The following FGF12 variants were observed in gnomAD, a reference collection of about 807,000 sequenced individuals.
FGF12 encodes the protein fibroblast growth factor 12.
A neutral mutation model predicts 23.6 loss-of-function variants in FGF12; 14 were observed. The ratio of observed to expected loss-of-function variants is 0.59; its 90% CI spans 0.39 to 0.93. The LOEUF is 0.93. Among genes scored for constraint, FGF12 ranks in the 40% least tolerant of loss-of-function variants. The pLI is 0.00. For missense variants in FGF12, 175 were observed against 217.8 expected (o/e 0.80, Z 1.24); for synonymous variants, 62 against 77.3 (o/e 0.80, Z 1.04).
At chr3:192,214,864 A>G (rs1011401830) in intron 4 of FGF12, among the ~76,000 whole-genome samples, 1 of 152,244 alleles carries the variant, frequency 6.6e-6, no homozygotes, top group African/African-American at 2.4e-5. Context: ...ACTTAAATGT[A>G]GTTACATGAA....
intron 2 of FGF12, among the ~76,000 whole-genome samples, chr3:192,690,481 A>T (rs1717905944): frequency 6.6e-6 from 1 of 151,854 alleles, no homozygotes; most frequent in Non-Finnish European, 1.5e-5. Flanking sequence ...AAGTAGACAT[A>T]CAGGTATAAC....
At chr3:192,553,670 C>A (rs966654297) in intron 2 of FGF12, among the ~76,000 whole-genome samples, 1 of 152,154 alleles carries the variant, frequency 6.6e-6, no homozygotes, top group African/African-American at 2.4e-5. Context: ...TAAGAAAATT[C>A]GTGTCACTCA....
intron 2 of FGF12, among the ~76,000 whole-genome samples, chr3:192,445,598 T>A (rs1431371140): frequency 6.6e-6 from 1 of 152,090 alleles, no homozygotes; most frequent in Non-Finnish European, 1.5e-5. Context: ...TTTTAGCTCA[T>A]CAGAGATCCA....
intron 2 of FGF12, among the ~76,000 whole-genome samples, chr3:192,642,780 C>T (rs532373556): frequency 4.6e-5 from 7 of 152,248 alleles, no homozygotes; most frequent in East Asian, 1.9e-4. Context: ...CCATGAAATC[C>T]GTTTTGATGG....
chr3:192,396,168 G>A (rs150640823), intron 2 of FGF12, among the ~76,000 whole-genome samples: 58 of 152,248 alleles, frequency 3.8e-4, no homozygotes, highest in Non-Finnish European at 7.4e-4. Context: ...GACATTAAAG[G>A]AGAAACAGTC....
intron 2 of FGF12, among the ~76,000 whole-genome samples, chr3:192,649,933 A>G (rs892216925): frequency 6.6e-6 from 1 of 152,192 alleles, no homozygotes; most frequent in Non-Finnish European, 1.5e-5. Flanking sequence ...ATTCTGTGGT[A>G]TATTTTGCTC....
chr3:192,484,775 T>C (rs1436432184), intron 2 of FGF12, among the ~76,000 whole-genome samples: 3 of 152,216 alleles, frequency 2.0e-5, no homozygotes, highest in Non-Finnish European at 2.9e-5. Flanking sequence ...ATGTAATTTC[T>C]TGAAACACAA....
At chr3:192,679,450 T>C (rs141208589) in intron 2 of FGF12, among the ~76,000 whole-genome samples, 1 of 151,904 alleles carries the variant, frequency 6.6e-6, no homozygotes, top group Non-Finnish European at 1.5e-5. Flanking sequence ...ATACAAAAAT[T>C]AGTCAGGTGT....
chr3:192,607,101 G>T (rs1218337020), intron 2 of FGF12, among the ~76,000 whole-genome samples: 1 of 152,050 alleles, frequency 6.6e-6, no homozygotes, highest in African/African-American at 2.4e-5. Flanking sequence ...TGTAACTTTT[G>T]AAATGTTTTC....
At chr3:192,205,739 G>C (rs1000220946) in intron 4 of FGF12, among the ~76,000 whole-genome samples, 1 of 152,152 alleles carries the variant, frequency 6.6e-6, no homozygotes, top group African/African-American at 2.4e-5. Context: ...TTGGAAATCA[G>C]GCTCCCTGCT....
At chr3:192,442,091 C>A (rs537156701) in intron 2 of FGF12, among the ~76,000 whole-genome samples, 9 of 152,184 alleles carry the variant, frequency 5.9e-5, no homozygotes, top group Non-Finnish European at 1.3e-4. Flanking sequence ...CACAGGACGA[C>A]CAACTAGAGA....
intron 2 of FGF12, among the ~76,000 whole-genome samples, chr3:192,626,206 A>G (rs774856561): frequency 6.6e-6 from 1 of 152,208 alleles, no homozygotes; most frequent in Admixed American, 6.5e-5. Flanking sequence ...TCACCAATGT[A>G]TCATCTCAAT....
chr3:192,447,260 A>G (rs376248862), intron 2 of FGF12, among the ~76,000 whole-genome samples: 29 of 152,224 alleles, frequency 1.9e-4, no homozygotes, highest in Admixed American at 1.9e-3. Context: ...TGCTCAAGGC[A>G]CAGGGAATAT....
At chr3:192,287,368 A>G (rs538474206) in intron 4 of FGF12, among the ~76,000 whole-genome samples, 2 of 152,186 alleles carry the variant, frequency 1.3e-5, no homozygotes, top group East Asian at 3.9e-4. Flanking sequence ...CTTTCTTTGT[A>G]TCTTAATGAT....
chr3:192,600,898 A>C (rs929496400), intron 2 of FGF12, among the ~76,000 whole-genome samples: 2 of 152,132 alleles, frequency 1.3e-5, no homozygotes, highest in African/African-American at 4.8e-5. Context: ...GAGGTTCCTC[A>C]AAAAACTACA....
intron 4 of FGF12, among the ~76,000 whole-genome samples, chr3:192,286,566 C>T (rs181861802): frequency 2.2e-4 from 33 of 151,852 alleles, no homozygotes; most frequent in Middle Eastern, 3.4e-3. Flanking sequence ...AGGTTTTCAA[C>T]AAGGAAATGT....
intron 3 of FGF12, among the ~76,000 whole-genome samples, chr3:192,358,508 T>TA (rs1718577780): frequency 6.6e-6 from 1 of 152,078 alleles, no homozygotes; most frequent in Non-Finnish European, 1.5e-5. Context: ...TTGTGTGTGG[T>TA]ATGCAGAATG....
intron 2 of FGF12, among the ~76,000 whole-genome samples, chr3:192,674,793 T>C (rs1009984513): frequency 1.3e-5 from 2 of 152,184 alleles, no homozygotes; most frequent in African/African-American, 4.8e-5. Flanking sequence ...GAAAATGTAC[T>C]CTAAACTAGG....
At chr3:192,669,779 T>A (rs1717041908) in intron 2 of FGF12, among the ~76,000 whole-genome samples, 1 of 152,100 alleles carries the variant, frequency 6.6e-6, no homozygotes. Flanking sequence ...AGAGGCTCCA[T>A]GACAGATGAT....
Sources: gnomAD v4.1 joint callset for allele counts (sites outside exome capture counted in the v4.1 genomes callset) on GRCh38, gnomAD v4.1.1 for gene constraint, MANE v1.5 for transcripts, NCBI Gene and HGNC (gene_info 2026-07-23, HGNC 2026-07-21) for gene names.